The following NFATC2 variants were observed in gnomAD, a reference collection of about 807,000 sequenced individuals.
NFATC2 encodes nuclear factor of activated T-cells, cytoplasmic 2.
A neutral mutation model predicts 87.3 loss-of-function variants in NFATC2; 22 were observed. The ratio of observed to expected loss-of-function variants is 0.25; its 90% CI spans 0.18 to 0.36. NFATC2 has a LOEUF of 0.36. NFATC2 is among the 10% of genes least tolerant of loss of function. The pLI is 1.00. For synonymous variants in NFATC2, 565 were observed against 542.2 expected (o/e 1.04, Z -0.58); for missense variants, 1,149 against 1,259.1 (o/e 0.91, Z 1.32).
intron 1 of NFATC2, among the ~76,000 whole-genome samples, chr20:51,553,457 C>T (rs1191518612): frequency 2.6e-5 from 4 of 151,952 alleles, no homozygotes; most frequent in South Asian, 4.1e-4. Context: ...GGGCGGATCA[C>T]GAGGTCAGGA....
At chr20:51,519,851 G>A (rs1488149441) in intron 2 of NFATC2, among the ~76,000 whole-genome samples, 1 of 151,456 alleles carries the variant, frequency 6.6e-6, no homozygotes, top group Non-Finnish European at 1.5e-5. Context: ...AGGAGGCAGA[G>A]GTTGCAGTGA....
intron 5 of NFATC2, among the ~76,000 whole-genome samples, chr20:51,454,911 T>G (rs906687626): frequency 2.6e-5 from 4 of 152,190 alleles, no homozygotes; most frequent in Non-Finnish European, 5.9e-5. Context: ...TAACAACACA[T>G]TTCGTTTTCA....
At chr20:51,530,333 AT>A (rs2076612705) in intron 1 of NFATC2, among the ~76,000 whole-genome samples, 1 of 151,754 alleles carries the variant, frequency 6.6e-6, no homozygotes, top group Non-Finnish European at 1.5e-5. Context: ...TGCCCGGCTA[AT>A]TTTTTTGTGT....
intron 3 of NFATC2, among the ~76,000 whole-genome samples, chr20:51,487,277 T>C (rs1019122324): frequency 8.5e-5 from 13 of 152,164 alleles, no homozygotes; most frequent in African/African-American, 3.1e-4. Context: ...AGTGTGTGAA[T>C]GCCCCAGGGA....
chr20:51,553,485 C>T (rs2146836052), intron 1 of NFATC2, among the ~76,000 whole-genome samples: 1 of 152,132 alleles, frequency 6.6e-6, no homozygotes, highest in Non-Finnish European at 1.5e-5. Context: ...ACCATCCTGG[C>T]TAACACGGTG....
chr20:51,460,403 A>G (rs566319906), intron 5 of NFATC2, among the ~76,000 whole-genome samples: 4 of 152,320 alleles, frequency 2.6e-5, no homozygotes, highest in Admixed American at 2.6e-4. Flanking sequence ...TTCACAGGTC[A>G]TTACGAGGAT....
At chr20:51,540,667 T>TGTTTGTTTGTTTG (rs1555818371) in intron 1 of NFATC2, among the ~76,000 whole-genome samples, 13 of 147,232 alleles carry the variant, frequency 8.8e-5, no homozygotes, top group Non-Finnish European at 1.9e-4. Flanking sequence ...TGTTTTTTTT[T>TGTTTGTTTGTTTG]TTTTGAGAAA....
At chr20:51,549,330 C>T (rs908472502) in intron 1 of NFATC2, among the ~76,000 whole-genome samples, 3 of 152,052 alleles carry the variant, frequency 2.0e-5, no homozygotes, top group African/African-American at 4.8e-5. Context: ...TGGAGTGCAA[C>T]GGTGCAATCT....
intron 9 of NFATC2, among the ~76,000 whole-genome samples, chr20:51,413,156 A>T (rs1391602118): frequency 6.6e-6 from 1 of 151,728 alleles, no homozygotes; most frequent in Non-Finnish European, 1.5e-5. Context: ...GCTGGAGGTG[A>T]GAAATCGATT....
At chr20:51,419,394 G>T (rs1980539956) in intron 9 of NFATC2, among the ~76,000 whole-genome samples, 1 of 152,148 alleles carries the variant, frequency 6.6e-6, no homozygotes, top group Admixed American at 6.5e-5. Context: ...GTGATTTCTG[G>T]GTTACGCCCT....
intron 9 of NFATC2, among the ~76,000 whole-genome samples, chr20:51,404,511 T>C (rs900883060): frequency 1.3e-5 from 2 of 152,246 alleles, no homozygotes; most frequent in Non-Finnish European, 2.9e-5. Context: ...TCATCTGTAA[T>C]ATGGGAATGC....
upstream of NFATC2, among the ~76,000 whole-genome samples, chr20:51,543,689 A>AT (rs1236591043): frequency 6.6e-6 from 1 of 152,184 alleles, no homozygotes; most frequent in Non-Finnish European, 1.5e-5. Flanking sequence ...ATAAGTCTGA[A>AT]TACAGACTCG....
chr20:51,391,547 G>A, intron 10 of NFATC2, 96 bp from the exon 11 acceptor site: 1 of 1,307,182 alleles, frequency 7.7e-7, no homozygotes, highest in Non-Finnish European at 1.1e-6. Context: ...ACCTCTATTG[G>A]GCTATTGATT....
intron 3 of NFATC2, among the ~76,000 whole-genome samples, chr20:51,511,908 C>T (rs1305289036): frequency 2.0e-5 from 3 of 152,226 alleles, no homozygotes; most frequent in African/African-American, 2.4e-5. Context: ...ATTTCATCTC[C>T]TCACCTTGGC....
At chr20:51,411,197 C>T (rs893177675) in intron 9 of NFATC2, among the ~76,000 whole-genome samples, 7 of 152,150 alleles carry the variant, frequency 4.6e-5, no homozygotes, top group Non-Finnish European at 5.9e-5. Context: ...ATCAGAGTTA[C>T]GCAGGTAGCA....
At chr20:51,509,115 A>G (rs2076232527) in intron 3 of NFATC2, among the ~76,000 whole-genome samples, 1 of 151,944 alleles carries the variant, frequency 6.6e-6, no homozygotes, top group African/African-American at 2.4e-5. Context: ...CTCAGCCTGG[A>G]GAGGTCCCTG....
intron 2 of NFATC2, among the ~76,000 whole-genome samples, chr20:51,520,065 T>C (rs4811187): frequency 0.29 from 43,720 of 152,090 alleles, 6,439 homozygotes; most frequent in Admixed American, 0.36. Flanking sequence ...CTCAACTTTA[T>C]AGAAGATTCT....
At chr20:51,488,982 A>G (rs528107619) in intron 3 of NFATC2, among the ~76,000 whole-genome samples, 2 of 152,350 alleles carry the variant, frequency 1.3e-5, no homozygotes, top group East Asian at 3.9e-4. Flanking sequence ...TGAGGTCAGG[A>G]GTTCAAGACC....
chr20:51,400,294 C>T (rs765309544), intron 9 of NFATC2, among the ~76,000 whole-genome samples: 11 of 152,182 alleles, frequency 7.2e-5, no homozygotes, highest in Non-Finnish European at 1.5e-4. Flanking sequence ...ATTTAAGGAG[C>T]ACTTCAGTGG....
Sources: allele counts gnomAD v4.1 joint callset (sites outside exome capture counted in the v4.1 genomes callset), GRCh38; gene constraint gnomAD v4.1.1; transcripts MANE v1.5; gene names NCBI Gene and HGNC (gene_info 2026-07-23, HGNC 2026-07-21).